The following AFG2A variants were observed in gnomAD, a reference collection of about 807,000 sequenced individuals.
AFG2A encodes ATPase family gene 2 protein homolog A.
chr4:122,947,478 T>C, the AFG2A span: 1 of 1,611,476 alleles, frequency 6.2e-7, no homozygotes, highest in Non-Finnish European at 8.5e-7. Flanking sequence ...AAGTCTTGTG[T>C]AATGAAGCAG....
At chr4:123,165,016 TCAGA>T in the AFG2A span, among the ~76,000 whole-genome samples, 5 of 152,264 alleles carry the variant, frequency 3.3e-5, no homozygotes, top group Non-Finnish European at 7.4e-5. Context: ...GGTTATAATC[TCAGA>T]CAGCTGAGAC....
the AFG2A span, among the ~76,000 whole-genome samples, chr4:123,157,993 A>G: frequency 1.3e-5 from 2 of 152,106 alleles, no homozygotes; most frequent in Non-Finnish European, 1.5e-5. Context: ...ATACCACTCT[A>G]TTTTGCCAGA....
the AFG2A span, among the ~76,000 whole-genome samples, chr4:122,958,570 C>CATT: frequency 1.3e-5 from 2 of 152,208 alleles, no homozygotes; most frequent in Non-Finnish European, 2.9e-5. Flanking sequence ...GAGTCTTAAA[C>CATT]ATTATTATAT....
the AFG2A span, among the ~76,000 whole-genome samples, chr4:123,170,259 C>T: frequency 6.6e-6 from 1 of 152,120 alleles, no homozygotes; most frequent in Non-Finnish European, 1.5e-5. Context: ...AGACTTACCC[C>T]ATCACTGGGG....
the AFG2A span, among the ~76,000 whole-genome samples, chr4:123,229,099 T>C: frequency 6.6e-6 from 1 of 151,968 alleles, no homozygotes; most frequent in African/African-American, 2.4e-5. Flanking sequence ...CAGCACAATT[T>C]CTGGCATATA....
chr4:123,184,726 C>T, the AFG2A span, among the ~76,000 whole-genome samples: 2 of 150,804 alleles, frequency 1.3e-5, no homozygotes, highest in African/African-American at 4.9e-5. Context: ...TTAGTAGAGA[C>T]GGGGTTTCAC....
chr4:123,250,140 C>T, the AFG2A span, among the ~76,000 whole-genome samples: 1 of 152,046 alleles, frequency 6.6e-6, no homozygotes, highest in Non-Finnish European at 1.5e-5. Context: ...TTTGTCTGAA[C>T]AAGTATTTCT....
chr4:123,016,722 C>T, the AFG2A span, among the ~76,000 whole-genome samples: 4 of 151,948 alleles, frequency 2.6e-5, no homozygotes, highest in East Asian at 2.0e-4. Context: ...GACGGGGTGG[C>T]GGCCGGGCAG....
At chr4:123,134,716 A>T in the AFG2A span, among the ~76,000 whole-genome samples, 35 of 152,034 alleles carry the variant, frequency 2.3e-4, no homozygotes, top group South Asian at 6.2e-3. Flanking sequence ...GAATCAAGAG[A>T]TTGGAAATCT....
At chr4:122,929,540 A>G in the AFG2A span, among the ~76,000 whole-genome samples, 1 of 152,108 alleles carries the variant, frequency 6.6e-6, no homozygotes, top group Non-Finnish European at 1.5e-5. Context: ...CAAAAAATAC[A>G]AAAAAGAAAA....
At chr4:123,234,022 A>G in the AFG2A span, among the ~76,000 whole-genome samples, 3 of 152,134 alleles carry the variant, frequency 2.0e-5, no homozygotes, top group Admixed American at 6.6e-5. Context: ...TCCCACCATA[A>G]AAGAGGGGAA....
chr4:123,235,853 A>G, the AFG2A span, among the ~76,000 whole-genome samples: 9 of 152,210 alleles, frequency 5.9e-5, no homozygotes, highest in Non-Finnish European at 1.2e-4. Context: ...AAATATTGTT[A>G]CCTCCACGGA....
chr4:122,964,664 G>A, the AFG2A span, among the ~76,000 whole-genome samples: 12 of 152,198 alleles, frequency 7.9e-5, no homozygotes, highest in Middle Eastern at 3.4e-3. Context: ...TTGGCTTAAG[G>A]TTCAGATCTG....
chr4:123,318,671 C>T, the AFG2A span: 429 of 151,824 alleles, frequency 2.8e-3, 2 homozygotes, highest in Non-Finnish European at 4.8e-3. Context: ...CCAGTAGTCC[C>T]AGCTACTCGG....
At chr4:123,284,047 G>A in the AFG2A span, among the ~76,000 whole-genome samples, 2 of 152,028 alleles carry the variant, frequency 1.3e-5, no homozygotes, top group Non-Finnish European at 2.9e-5. Flanking sequence ...ATCACTTACA[G>A]TAAAGGTAAG....
the AFG2A span, among the ~76,000 whole-genome samples, chr4:123,128,907 G>T: frequency 5.3e-3 from 805 of 152,188 alleles, 2 homozygotes; most frequent in African/African-American, 0.018. Context: ...ATCTGTAAGA[G>T]TCTCCAAATA....
At chr4:122,944,481 C>T in the AFG2A span, among the ~76,000 whole-genome samples, 1 of 152,218 alleles carries the variant, frequency 6.6e-6, no homozygotes, top group Non-Finnish European at 1.5e-5. Context: ...TGGCTTTCAG[C>T]TCCATCAGCT....
At chr4:123,293,464 T>A in the AFG2A span, among the ~76,000 whole-genome samples, 8,830 of 152,148 alleles carry the variant, frequency 0.058, 374 homozygotes, top group Middle Eastern at 0.16. Context: ...GGAGTGACAG[T>A]CCCTTAGGGC....
the AFG2A span, among the ~76,000 whole-genome samples, chr4:123,146,114 ACTAACTTTGAAC>A: frequency 6.6e-6 from 1 of 152,160 alleles, no homozygotes; most frequent in Non-Finnish European, 1.5e-5. Context: ...TAAATAGGAA[ACTAACTTTGAAC>A]CTAAGATTTT....
Sources: gnomAD v4.1 joint callset for allele counts (sites outside exome capture counted in the v4.1 genomes callset) on GRCh38, gnomAD v4.1.1 for gene constraint, MANE v1.5 for transcripts, NCBI Gene and HGNC (gene_info 2026-07-23, HGNC 2026-07-21) for gene names.